Variants in PLXNB1 observed in about 807,000 individuals in gnomAD.
The protein encoded by PLXNB1 is plexin B1.
PLXNB1 carries 106 observed loss-of-function variants against 209.4 expected under a neutral mutation model. The ratio of observed to expected loss-of-function variants is 0.51; its 90% CI spans 0.43 to 0.59. The LOEUF (loss-of-function observed/expected upper bound fraction) is 0.59, where lower values mean the gene tolerates loss of function less well. Among genes scored for constraint, PLXNB1 ranks in the 20% least tolerant of loss-of-function variants. The probability of loss-of-function intolerance (pLI) is 0.00; values close to 1 mark genes in which losing one functional copy is unlikely to be tolerated. For synonymous variants in PLXNB1, 1,167 were observed against 1,183.2 expected (o/e 0.99, Z 0.28); for missense variants, 2,357 against 2,853.2 (o/e 0.83, Z 3.96).
chr3:48,410,614 G>A lies in PLXNB1; in HGVS notation c.5417-56C>T, dbSNP rs997941381. The A allele has an allele frequency of 5.3e-5, 76 of 1,427,798 alleles. No individual in the cohort carries two copies. The highest frequency in any genetic ancestry group is 9.2e-5 in the East Asian group (4 of 43,704). 88.4% of individuals were successfully genotyped at this position (1,427,798 alleles called of 1,614,324 possible). ...GCTGGAAGATACCCTTCCCATAGTG[G>A]AGCCCATCTCCTCCTCCACAGGGAC... is the stretch of plus-strand genomic sequence containing the variant. On this transcript the variant is annotated intron_variant, in intron 29 of 37. Coordinates refer to ENST00000296440, the MANE Select transcript of PLXNB1 (RefSeq NM_001130082.3). The surrounding 1 kb of genome is among the most constrained non-coding windows in gnomAD (Gnocchi z 6.4).
chr3:48,414,144 GACCCT>G, intron 21 of PLXNB1, 73 bp from the exon 22 acceptor site: 3 of 1,442,204 alleles, frequency 2.1e-6, no homozygotes, highest in Non-Finnish European at 2.9e-6. Flanking sequence ...ATGTGGGAAG[GACCCT>G]GAGACCCAGC....
intron 8 of PLXNB1, 84 bp downstream of exon 8, chr3:48,421,144 T>G (rs1230578566): frequency 6.7e-7 from 1 of 1,501,220 alleles, no homozygotes; most frequent in Non-Finnish European, 9.1e-7. Flanking sequence ...TTCATGGCTC[T>G]TTGCCTGGAT....
At position 48,413,836 on chromosome 3, in the gene PLXNB1, T is replaced by C; in HGVS notation, c.4387-18A>G. The C allele has an allele frequency of 6.2e-7, 1 of 1,611,564 alleles. No homozygotes were observed. Among genetic ancestry groups the C allele is most frequent in the Non-Finnish European group, 8.5e-7 (1 of 1,178,332 alleles). ...ATCTGCACCTGTGTCAGGAGCCACC[T>C]GTGAGCAAGGGTTTGGCCCAGGTCA... On this transcript the variant is annotated intron_variant, in intron 22 of 37. Transcript: ENST00000296440. The surrounding 1 kb of genome is among the most constrained non-coding windows in gnomAD (Gnocchi z 5.4).
At position 48,418,947 on chromosome 3, in the gene PLXNB1, G is replaced by A; in HGVS notation, c.2925C>T (p.Thr975=). The A allele has an allele frequency of 6.2e-7, 1 of 1,614,040 alleles. No homozygotes were observed. Among genetic ancestry groups the A allele is most frequent in the Non-Finnish European group, 8.5e-7 (1 of 1,180,002 alleles). ...ARVECEPPPD[T]QCHVTCQQHQ... is the part of the protein sequence containing the mutation. ...GCTGCTGGCAGGTGACATGGCACTG[G>A]GTATCTGGAGGTGGCTCACACTCGA... Residue 975 remains threonine, a synonymous_variant, in exon 13 of 38, where the codon ACC becomes ACT. Transcript: ENST00000296440. This position sits in a 1 kb window ranked among gnomAD's most constrained non-coding sequence, Gnocchi z 6.6.
Position 48,413,279 on chromosome 3 carries a change from C to A in PLXNB1, c.4536-110G>T. On this transcript the variant is annotated intron_variant, in intron 23 of 37. Coordinates refer to ENST00000296440, the MANE Select transcript of PLXNB1 (RefSeq NM_001130082.3). This position sits in a 1 kb window ranked among gnomAD's most constrained non-coding sequence, Gnocchi z 5.4. ...CCTCATCCAGCACAGTCCAATGCAG[C>A]CATGCCAGCCAAGCTCAAGCCTAGC... is the stretch of plus-strand genomic sequence containing the variant. 1.2e-6 allele frequency: 1 copy of A among 845,200 alleles called. No individual in the cohort carries two copies. Among genetic ancestry groups the A allele is most frequent in the Non-Finnish European group, 1.9e-6 (1 of 513,324 alleles). The allele number at this position is 845,200 out of a possible 1,614,324, so 52.4% of individuals were successfully genotyped here. A position where few individuals can be genotyped will look rare whatever the true frequency, so the allele number is the denominator to read the frequency against.
chr3:48,421,052 G>A (rs11130171), intron 8 of PLXNB1, 96 bp from the exon 9 acceptor site: 719,502 of 1,277,888 alleles, frequency 0.56, 205,171 homozygotes, highest in Admixed American at 0.73. Context: ...AAGAGGACCC[G>A]GGATGAGGGA....
chr3:48,421,419 A>G (rs746461911), intron 7 of PLXNB1, 35 bp from the exon 8 acceptor site: 3 of 1,512,332 alleles, frequency 2.0e-6, no homozygotes, highest in East Asian at 2.3e-5. Context: ...TGTTGGGGCT[A>G]GTGGGCAGCA....
chr3:48,415,530 G>T lies in PLXNB1; in HGVS notation c.3794+53C>A. 2 of 1,501,334 alleles carry T rather than the reference G, an allele frequency of 1.3e-6. No homozygotes were observed. Among genetic ancestry groups the T allele is most frequent in the Non-Finnish European group, 1.8e-6 (2 of 1,109,854 alleles). 93.0% of individuals were successfully genotyped at this position (1,501,334 alleles called of 1,614,324 possible). A position where few individuals can be genotyped will look rare whatever the true frequency, so the allele number is the denominator to read the frequency against. On this transcript the variant is annotated intron_variant, in intron 19 of 37. Transcript: ENST00000296440. This position sits in a 1 kb window ranked among gnomAD's most constrained non-coding sequence, Gnocchi z 5.0. ...GCCCTACAAACCCCCACATAGTGGA[G>T]CTGCAAAGACCTCCCTGCCACCTGC... is the stretch of plus-strand genomic sequence containing the variant.
In PLXNB1 at chr3:48,413,326, C is replaced by A; in HGVS notation, c.4536-157G>T. The A allele has an allele frequency of 1.5e-6, 1 of 654,486 alleles. No individual in the cohort carries two copies. 40.5% of individuals were successfully genotyped at this position (654,486 alleles called of 1,614,324 possible). A position where few individuals can be genotyped will look rare whatever the true frequency, so the allele number is the denominator to read the frequency against. ...TAGCCCAGTACGATTCAGCCTGTCC[C>A]GTCCCAAGCAAGTCACACACACCCA... On this transcript the variant is annotated intron_variant, in intron 23 of 37. Transcript: ENST00000296440. The surrounding 1 kb of genome is among the most constrained non-coding windows in gnomAD (Gnocchi z 5.4).
At position 48,415,710 on chromosome 3, in the gene PLXNB1, G is replaced by T. The variant is rs1401773318; in HGVS notation, c.3667C>A (p.Pro1223Thr). The change falls in exon 19 of 38, where the codon CCC (proline) becomes ACC (threonine). Residue 1223 changes from proline to threonine, a missense_variant. Transcript: ENST00000296440. This position sits in a 1 kb window ranked among gnomAD's most constrained non-coding sequence, Gnocchi z 5.0. ...GCCACAGGGAGCGTGGCAGGCGTGG[G>T]GCGTGGGCTGGTCTCACACCGCAGT... Reference protein sequence around the residue: ...EQLRCETSPRPTPATLPVAVW... With the variant: ...EQLRCETSPRTTPATLPVAVW... The T allele has an allele frequency of 6.4e-6, 10 of 1,552,940 alleles. No homozygotes were observed. The highest frequency in any genetic ancestry group is 8.7e-6 in the Non-Finnish European group (10 of 1,147,722).
Position 48,420,963 on chromosome 3 carries a change from A to AG in PLXNB1, c.1811-8dup. ...ACGCTCACGGATACGTAGTCTGCAG[A>AG]GGGGGAGAGAGGGCCAGGGTTAAGC... On this transcript the variant is annotated splice_polypyrimidine_tract_variant and splice_region_variant and intron_variant, in intron 8 of 37. Transcript: ENST00000296440. 1 of 1,605,536 alleles carries AG rather than the reference A, an allele frequency of 6.2e-7. No individual in the cohort carries two copies. The highest frequency in any genetic ancestry group is 1.7e-5 in the Admixed American group (1 of 59,884).
Position 48,419,177 on chromosome 3 carries a change from G to A in PLXNB1, c.2832+67C>T. The A allele has an allele frequency of 6.4e-7, 1 of 1,552,042 alleles. No homozygotes were observed. Among genetic ancestry groups the A allele is most frequent in the Non-Finnish European group, 8.7e-7 (1 of 1,144,342 alleles). On this transcript the variant is annotated intron_variant, in intron 12 of 37. Transcript: ENST00000296440. This position sits in a 1 kb window ranked among gnomAD's most constrained non-coding sequence, Gnocchi z 5.7. ...GACTCTGCCCTCCTCCTGCTCCCCA[G>A]GGCTTGTGCAGAGTTTCTCAACAGC...
intron 21 of PLXNB1, among the ~76,000 whole-genome samples, chr3:48,414,312 A>T (rs191875497): frequency 2.0e-5 from 3 of 152,106 alleles, no homozygotes; most frequent in African/African-American, 7.2e-5. Context: ...CTGCCTCCCA[A>T]ATCCTGCCCA....
rs763842933 is a variant in PLXNB1 at position 48,423,798 on chromosome 3, G to A, written c.814C>T (p.Arg272Cys). The A allele has an allele frequency of 5.6e-6, 9 of 1,613,928 alleles. No individual in the cohort carries two copies. Among genetic ancestry groups the A allele is most frequent in the East Asian group, 2.2e-5 (1 of 44,884 alleles). The change falls in exon 3 of 38, where the codon CGC (arginine) becomes TGC (cysteine). Residue 272 changes from arginine (R) to cysteine (C), a missense_variant. Coordinates refer to ENST00000296440, the MANE Select transcript of PLXNB1 (RefSeq NM_001130082.3). ...GCTGCAGCCTGGATCAGCCCGTAGC[G>A]GCCACCTTCGCAGGCCAGAGGCAAC... is the stretch of plus-strand genomic sequence containing the variant. ...VELPLACEGG[R>C]YGLIQAAAVA...
chr3:48,419,210 G>C lies in PLXNB1; in HGVS notation c.2832+34C>G, dbSNP rs530178295. The C allele has an allele frequency of 3.9e-6, 6 of 1,546,480 alleles. No homozygotes were observed. The African/African-American group carries it at 6.8e-5, about 18-fold the overall frequency. ...GCAGAGTTTCTCAACAGCTAAGGAG[G>C]CTGCAAGGACAGCGGCAGGCAGGAC... On this transcript the variant is annotated intron_variant, in intron 12 of 37. Coordinates refer to ENST00000296440, the MANE Select transcript of PLXNB1 (RefSeq NM_001130082.3). This position sits in a 1 kb window ranked among gnomAD's most constrained non-coding sequence, Gnocchi z 5.7.
rs543297135 is a variant in PLXNB1, at chr3:48,429,186, G to C, written c.-60+822C>G. 1.1e-4 allele frequency: 16 copies of C among 152,180 alleles called. 1 individual carries two copies. Among genetic ancestry groups the C allele is most frequent in the African/African-American group, 3.1e-4 (13 of 41,526 alleles). The allele number at this position is 152,180 out of a possible 1,614,324, so 9.4% of individuals were successfully genotyped here. A position where few individuals can be genotyped will look rare whatever the true frequency, so the allele number is the denominator to read the frequency against. On this transcript the variant is annotated intron_variant, in intron 1 of 37. Coordinates refer to ENST00000296440, the MANE Select transcript of PLXNB1 (RefSeq NM_001130082.3). The surrounding 1 kb of genome is among the most constrained non-coding windows in gnomAD (Gnocchi z 6.4). Reference sequence around the variant, plus strand: ...AGGCCGCCCCTGCCCGGCGGGATCGGGGCCCCGGCCCGTTCCACCTCGGGA... The same window carrying C: ...AGGCCGCCCCTGCCCGGCGGGATCGCGGCCCCGGCCCGTTCCACCTCGGGA...
Position 48,409,828 on chromosome 3 carries a change from C to T in PLXNB1, c.5778+77G>A. 6.3e-7 allele frequency: 1 copy of T among 1,577,652 alleles called. No homozygotes were observed. The highest frequency in any genetic ancestry group is 8.6e-7 in the Non-Finnish European group (1 of 1,156,666). ...CCCGGCACTGTGCCTGCACGAGCCCCACACCACCCCCAAATCCCACGAGTG... is the reference window on the plus strand; with the variant it reads ...CCCGGCACTGTGCCTGCACGAGCCCTACACCACCCCCAAATCCCACGAGTG... On this transcript the variant is annotated intron_variant, in intron 32 of 37. Transcript: ENST00000296440. This position sits in a 1 kb window ranked among gnomAD's most constrained non-coding sequence, Gnocchi z 5.8.
chr3:48,418,065 G>A lies in PLXNB1; in HGVS notation c.3223-3C>T, dbSNP rs1389398703. 1 of 1,612,200 alleles carries A rather than the reference G, an allele frequency of 6.2e-7. No individual in the cohort carries two copies. Among genetic ancestry groups the A allele is most frequent in the African/African-American group, 1.3e-5 (1 of 74,938 alleles). ...ACAGGCCCAGTCAGTGGCTCCACCT[G>A]TTCCAGGACAAGGACTGCTCACCTC... On this transcript the variant is annotated splice_polypyrimidine_tract_variant and splice_region_variant and intron_variant, in intron 15 of 37. Coordinates refer to ENST00000296440, the MANE Select transcript of PLXNB1 (RefSeq NM_001130082.3). The surrounding 1 kb of genome is among the most constrained non-coding windows in gnomAD (Gnocchi z 6.6).
Position 48,418,953 on chromosome 3 carries a change from T to A in PLXNB1, c.2919A>T (p.Pro973=). ...VEARVECEPP[P]DTQCHVTCQQ... is the part of the protein sequence containing the mutation. ...GGCAGGTGACATGGCACTGGGTATC[T>A]GGAGGTGGCTCACACTCGACCCGGG... Residue 973 remains proline, a synonymous_variant, in exon 13 of 38, where the codon CCA becomes CCT. Coordinates refer to ENST00000296440, the MANE Select transcript of PLXNB1 (RefSeq NM_001130082.3). The surrounding 1 kb of genome is among the most constrained non-coding windows in gnomAD (Gnocchi z 6.6). 1 of 1,614,038 alleles carries A rather than the reference T, an allele frequency of 6.2e-7. No homozygotes were observed. Among genetic ancestry groups the A allele is most frequent in the Non-Finnish European group, 8.5e-7 (1 of 1,180,002 alleles).
Sources: gnomAD v4.1 joint callset for allele counts (sites outside exome capture counted in the v4.1 genomes callset) on GRCh38, gnomAD v4.1.1 for gene constraint, Gnocchi (gnomAD v3.1) non-coding constraint, MANE v1.5 for transcripts, NCBI Gene and HGNC (gene_info 2026-07-23, HGNC 2026-07-21) for gene names.